AK5: variants seen among roughly 807,000 people sequenced by gnomAD.
AK5 encodes the protein adenylate kinase 5, also known as adenylate kinase isoenzyme 5.
Under a neutral mutation model 69.5 loss-of-function variants are expected in AK5, and 27 were observed. The observed-to-expected ratio is 0.39, with a 90% confidence interval of 0.29 to 0.54. AK5 has a LOEUF of 0.54. Ranked by LOEUF, AK5 falls within the 20% of genes least tolerant of loss-of-function variation. The pLI is 0.71. For synonymous variants in AK5, 260 were observed against 244.4 expected, an observed-to-expected ratio of 1.06 and a Z score of -0.60; for missense variants, 531 against 700.4, an observed-to-expected ratio of 0.76 and a Z score of 2.73.
At chr1:77,418,389 CAT>C (rs567745509) in intron 8 of AK5, among the ~76,000 whole-genome samples, 349 of 152,304 alleles carry the variant, frequency 2.3e-3, no homozygotes, top group Non-Finnish European at 3.6e-3. Context: ...CCTCTCACAA[CAT>C]GTGGGAATTA....
intron 13 of AK5, among the ~76,000 whole-genome samples, chr1:77,545,124 G>A (rs953546908): frequency 6.6e-6 from 1 of 152,066 alleles, no homozygotes; most frequent in Non-Finnish European, 1.5e-5. Flanking sequence ...ATACCCACAC[G>A]CCCGCAATTA....
At chr1:77,548,235 C>CT (rs1324427949) in intron 13 of AK5, among the ~76,000 whole-genome samples, 1 of 152,180 alleles carries the variant, frequency 6.6e-6, no homozygotes, top group Non-Finnish European at 1.5e-5. Flanking sequence ...CCTTAAATCT[C>CT]TCTACAGTCA....
At chr1:77,529,020 T>C (rs1326816447) in intron 12 of AK5, among the ~76,000 whole-genome samples, 1 of 152,206 alleles carries the variant, frequency 6.6e-6, no homozygotes, top group African/African-American at 2.4e-5. Flanking sequence ...TCAATAAGTC[T>C]TTACAGTTTT....
rs778550885 is a variant in AK5, at chr1:77,411,085, T to C, written c.982+14T>C. ...AGGCTGCAGCAGGTAAGTCACTGTG[T>C]CCTTTAGACAACAGTACGCCGTGAT... On this transcript the variant is annotated intron_variant, in intron 7 of 13. Transcript: ENST00000354567. 1.2e-6 allele frequency: 2 copies of C among 1,609,698 alleles called. No homozygotes were observed. The highest frequency in any genetic ancestry group is 1.7e-5 in the Admixed American group (1 of 59,692).
intron 2 of AK5, among the ~76,000 whole-genome samples, chr1:77,288,533 G>A (rs1448719690): frequency 6.6e-6 from 1 of 152,050 alleles, no homozygotes; most frequent in Non-Finnish European, 1.5e-5. Context: ...TGAATGCAGT[G>A]TGGGAAAAAG....
intron 6 of AK5, among the ~76,000 whole-genome samples, chr1:77,388,752 A>C (rs1648209669): frequency 6.6e-6 from 1 of 152,002 alleles, no homozygotes; most frequent in African/African-American, 2.4e-5. Context: ...TCTATGGAAA[A>C]AAAAAAAAAA....
intron 10 of AK5, 118 bp downstream of exon 10, chr1:77,486,470 C>A: frequency 3.2e-6 from 2 of 618,824 alleles, no homozygotes; most frequent in African/African-American, 1.9e-5. Context: ...CCAAGGCGGG[C>A]AGATCACGAG....
At chr1:77,550,006 G>A (rs1001917027) in intron 13 of AK5, among the ~76,000 whole-genome samples, 3 of 151,948 alleles carry the variant, frequency 2.0e-5, no homozygotes, top group African/African-American at 7.3e-5. Context: ...GCCCAGGCTG[G>A]AGTGAGTGCA....
chr1:77,424,321 C>A (rs1651046072), intron 8 of AK5, among the ~76,000 whole-genome samples: 2 of 152,048 alleles, frequency 1.3e-5, no homozygotes, highest in Non-Finnish European at 2.9e-5. Flanking sequence ...AGTGCAGTGG[C>A]ATGATCATAG....
intron 8 of AK5, among the ~76,000 whole-genome samples, chr1:77,444,045 T>G (rs1355491395): frequency 6.6e-6 from 1 of 150,812 alleles, no homozygotes; most frequent in Admixed American, 6.6e-5. Context: ...TTTTCACTTA[T>G]TCATCCTACA....
At chr1:77,496,158 G>A (rs919479232) in intron 10 of AK5, among the ~76,000 whole-genome samples, 12 of 152,176 alleles carry the variant, frequency 7.9e-5, no homozygotes, top group African/African-American at 2.9e-4. Context: ...AGTCAGAGCT[G>A]AGTCCAAAAG....
chr1:77,523,100 G>A (rs1030718300), intron 12 of AK5, among the ~76,000 whole-genome samples: 4 of 152,144 alleles, frequency 2.6e-5, no homozygotes, highest in African/African-American at 9.7e-5. Flanking sequence ...TTATACTTGT[G>A]TGTCTCTGGG....
chr1:77,486,871 A>T (rs572312229), intron 10 of AK5, among the ~76,000 whole-genome samples: 2 of 152,310 alleles, frequency 1.3e-5, no homozygotes, highest in South Asian at 4.1e-4. Flanking sequence ...GGCTTGAAAG[A>T]ATGTCAAACT....
intron 8 of AK5, among the ~76,000 whole-genome samples, chr1:77,450,410 T>C (rs1231531551): frequency 6.6e-6 from 1 of 152,208 alleles, no homozygotes; most frequent in Non-Finnish European, 1.5e-5. Context: ...AAACCCCTTC[T>C]AACCAAATGA....
rs562568927 is a variant in AK5 at position 77,428,698 on chromosome 1, G to A, written c.1059+10983G>A. On this transcript the variant is annotated intron_variant, in intron 8 of 13. Coordinates refer to ENST00000354567, the MANE Select transcript of AK5 (RefSeq NM_174858.3). ...TACATGTGCCATGTTGGTGTACTGCGCCCAGTAACTTGTCATTTAACATTA... is the reference window on the plus strand; with the variant it reads ...TACATGTGCCATGTTGGTGTACTGCACCCAGTAACTTGTCATTTAACATTA... Among the ~76,000 whole-genome samples, 76 of 151,998 alleles carry A rather than the reference G, an allele frequency of 5.0e-4. 1 individual carries two copies. Among genetic ancestry groups the A allele is most frequent in the Admixed American group, 3.7e-3 (57 of 15,262 alleles).
chr1:77,348,387 T>G (rs1358235684), intron 6 of AK5, among the ~76,000 whole-genome samples: 1 of 152,194 alleles, frequency 6.6e-6, no homozygotes, highest in East Asian at 1.9e-4. Context: ...TCCAGCTTCA[T>G]CCGTGTCCCT....
At chr1:77,436,891 T>C (rs889114710) in intron 8 of AK5, among the ~76,000 whole-genome samples, 6 of 152,124 alleles carry the variant, frequency 3.9e-5, no homozygotes, top group African/African-American at 1.4e-4. Context: ...TTCAGTATCT[T>C]GCCAATAACT....
intron 8 of AK5, among the ~76,000 whole-genome samples, chr1:77,435,250 T>C (rs898195303): frequency 6.6e-6 from 1 of 152,230 alleles, no homozygotes; most frequent in Non-Finnish European, 1.5e-5. Flanking sequence ...TTCTGAGATA[T>C]GAATCTGAAA....
chr1:77,409,833 G>C (rs1271135258), intron 6 of AK5, among the ~76,000 whole-genome samples: 1 of 152,102 alleles, frequency 6.6e-6, no homozygotes, highest in Non-Finnish European at 1.5e-5. Flanking sequence ...TGTCCAGGAT[G>C]GTATTGCCTA....
Sources: allele counts gnomAD v4.1 joint callset (sites outside exome capture counted in the v4.1 genomes callset), GRCh38; gene constraint gnomAD v4.1.1; transcripts MANE v1.5; gene names NCBI Gene and HGNC (gene_info 2026-07-23, HGNC 2026-07-21).